The following APP variants were observed in gnomAD, a reference collection of about 807,000 sequenced individuals.
The protein encoded by APP is amyloid-beta precursor protein.
APP carries 31 observed loss-of-function variants against 101.4 expected under a neutral mutation model. That is an observed-to-expected ratio of 0.31 (90% CI 0.23 to 0.41). APP has a LOEUF of 0.41. Ranked by LOEUF, APP falls within the 10% of genes least tolerant of loss-of-function variation. The pLI, the probability that APP is intolerant of heterozygous loss-of-function variation, is 1.00. For missense variants in APP, 839 were observed against 1,003.7 expected (o/e 0.84, Z 2.22); for synonymous variants, 366 against 364.4 (o/e 1.00, Z -0.05).
chr21:25,894,793 T>C lies in APP; in HGVS notation c.2064+2780A>G, dbSNP rs1241784491. 2.0e-5 allele frequency among the ~76,000 whole-genome samples: 3 copies of C among 152,230 alleles called. No individual in the cohort carries two copies. In the South Asian group the frequency reaches 6.2e-4, roughly 32 times the overall value. On this transcript the variant is annotated intron_variant, in intron 16 of 17. Transcript: ENST00000346798. ...AAACTCGATGAAGCAGTGGCTAGATTTGCGAAGACTGACTCCAATTTTGAA... is the reference window on the plus strand; with the variant it reads ...AAACTCGATGAAGCAGTGGCTAGATCTGCGAAGACTGACTCCAATTTTGAA...
intron 5 of APP, among the ~76,000 whole-genome samples, chr21:26,048,655 T>A (rs2146895778): frequency 6.6e-6 from 1 of 152,338 alleles, no homozygotes; most frequent in African/African-American, 2.4e-5. Context: ...ATAGTTTGGA[T>A]TCTAACAGAT....
intron 14 of APP, 115 bp downstream of exon 14, chr21:25,911,626 C>T: frequency 1.1e-6 from 1 of 897,550 alleles, no homozygotes; most frequent in South Asian, 1.5e-5. Flanking sequence ...ATGACTACAT[C>T]AAAAAAAATT....
chr21:26,030,361 T>A (rs1322374525), intron 5 of APP, among the ~76,000 whole-genome samples: 2 of 152,204 alleles, frequency 1.3e-5, no homozygotes, highest in Non-Finnish European at 2.9e-5. Context: ...TGGTATCCAA[T>A]GGTACTAAAA....
chr21:25,896,931 T>A (rs962580303), intron 16 of APP, among the ~76,000 whole-genome samples: 3 of 152,198 alleles, frequency 2.0e-5, no homozygotes, highest in Non-Finnish European at 4.4e-5. Context: ...TTAAGCCACA[T>A]AAAGTGTTCT....
chr21:26,123,713 A>G (rs2062622417), intron 1 of APP, among the ~76,000 whole-genome samples: 1 of 152,166 alleles, frequency 6.6e-6, no homozygotes, highest in Admixed American at 6.6e-5. Flanking sequence ...TCTTGACTAT[A>G]TTTATAAAAA....
chr21:26,072,633 G>A (rs904385424), intron 3 of APP, among the ~76,000 whole-genome samples: 2 of 151,404 alleles, frequency 1.3e-5, no homozygotes, highest in Non-Finnish European at 2.9e-5. Context: ...GTTATTTACC[G>A]GCAGAGAAAG....
chr21:26,136,334 G>T (rs1466223605), intron 1 of APP, among the ~76,000 whole-genome samples: 1 of 151,928 alleles, frequency 6.6e-6, no homozygotes, highest in Non-Finnish European at 1.5e-5. Flanking sequence ...TACAGCCACC[G>T]AGCAATCATA....
At chr21:26,034,954 G>A (rs114079061) in intron 5 of APP, among the ~76,000 whole-genome samples, 3,240 of 152,094 alleles carry the variant, frequency 0.021, 105 homozygotes, top group African/African-American at 0.074. Flanking sequence ...TAGGCTGCTA[G>A]GATTGAGAAT....
At chr21:25,900,284 G>C (rs1163494131) in intron 15 of APP, among the ~76,000 whole-genome samples, 2 of 145,468 alleles carry the variant, frequency 1.4e-5, no homozygotes, top group Non-Finnish European at 3.0e-5. Context: ...TGTAATCCCA[G>C]CACTTTGGGA....
At chr21:25,901,300 A>C (rs1376202569) in intron 15 of APP, among the ~76,000 whole-genome samples, 458 of 45,352 alleles carry the variant, frequency 0.01, 9 homozygotes, top group Non-Finnish European at 0.018. Flanking sequence ...CTGTTTTAAA[A>C]AAAAAAAAAA....
intron 2 of APP, among the ~76,000 whole-genome samples, chr21:26,092,726 T>G (rs185738692): frequency 3.9e-5 from 6 of 152,288 alleles, no homozygotes; most frequent in African/African-American, 1.4e-4. Context: ...TTGTAACAAA[T>G]GTACCATTCT....
intron 5 of APP, among the ~76,000 whole-genome samples, chr21:26,044,970 T>A (rs1301950677): frequency 6.6e-6 from 1 of 152,258 alleles, no homozygotes; most frequent in Non-Finnish European, 1.5e-5. Context: ...GATGTGACAG[T>A]ATTCCTTGCC....
intron 5 of APP, among the ~76,000 whole-genome samples, chr21:26,031,974 G>C (rs1056418555): frequency 1.8e-4 from 27 of 152,340 alleles, no homozygotes; most frequent in African/African-American, 6.0e-4. Context: ...ATGTGGCTCA[G>C]GCTACAGGGT....
intron 13 of APP, among the ~76,000 whole-genome samples, chr21:25,925,532 A>T (rs1355139572): frequency 6.6e-6 from 1 of 152,186 alleles, no homozygotes; most frequent in Non-Finnish European, 1.5e-5. Context: ...GGTGACTCTC[A>T]TGCATGTTAC....
chr21:26,050,213 T>A (rs2045781560), intron 5 of APP, among the ~76,000 whole-genome samples: 1 of 152,176 alleles, frequency 6.6e-6, no homozygotes, highest in South Asian at 2.1e-4. Flanking sequence ...AATGTGCTGT[T>A]TGGAAATCTG....
At chr21:26,032,312 G>C (rs938299391) in intron 5 of APP, among the ~76,000 whole-genome samples, 3 of 152,174 alleles carry the variant, frequency 2.0e-5, no homozygotes, top group Non-Finnish European at 1.5e-5. Flanking sequence ...ATGCACAAGG[G>C]ATGAGGCTAT....
At position 25,947,338 on chromosome 21, in the gene APP, T is replaced by C. The variant is rs1460331595; in HGVS notation, c.1687+7252A>G. Among the ~76,000 whole-genome samples the C allele has an allele frequency of 2.6e-5, 4 of 152,076 alleles. No homozygotes were observed. The East Asian group carries it at 7.7e-4, about 29-fold the overall frequency. On this transcript the variant is annotated intron_variant, in intron 13 of 17. Coordinates refer to ENST00000346798, the MANE Select transcript of APP (RefSeq NM_000484.4). ...ATGGGGTGAGTTCGACACCTGCAGG[T>C]CTGTAACCTCAAGTCTGCAGACAGA... is the stretch of plus-strand genomic sequence containing the variant.
At chr21:25,995,817 A>T (rs1250839299) in intron 8 of APP, among the ~76,000 whole-genome samples, 2 of 152,228 alleles carry the variant, frequency 1.3e-5, no homozygotes, top group Non-Finnish European at 2.9e-5. Context: ...ATTATTCTGA[A>T]TATTTTATGG....
chr21:25,939,851 A>C (rs991354720), intron 13 of APP, among the ~76,000 whole-genome samples: 2 of 152,102 alleles, frequency 1.3e-5, no homozygotes, highest in Non-Finnish European at 2.9e-5. Flanking sequence ...GAATTTCTAG[A>C]CTTTATTTTG....
Sources: allele counts gnomAD v4.1 joint callset (sites outside exome capture counted in the v4.1 genomes callset), GRCh38; gene constraint gnomAD v4.1.1; transcripts MANE v1.5; gene names NCBI Gene and HGNC (gene_info 2026-07-23, HGNC 2026-07-21).